The following MUSK variants were observed in gnomAD, a reference collection of about 807,000 sequenced individuals.
The protein encoded by MUSK is muscle associated receptor tyrosine kinase, also known as muscle, skeletal receptor tyrosine-protein kinase.
MUSK carries 55 observed loss-of-function variants against 88.7 expected under a neutral mutation model. The observed-to-expected ratio is 0.62, with a 90% confidence interval of 0.50 to 0.78. MUSK has a LOEUF of 0.78. MUSK is among the 30% of genes least tolerant of loss of function. The probability of loss-of-function intolerance (pLI) is 0.00; values close to 1 mark genes in which losing one functional copy is unlikely to be tolerated. For missense variants in MUSK, 1,015 were observed against 1,074.3 expected (o/e 0.94, Z 0.77); for synonymous variants, 387 against 391.9 (o/e 0.99, Z 0.15).
chr9:110,688,286 A>G (rs1038754773), intron 3 of MUSK, among the ~76,000 whole-genome samples: 7 of 152,086 alleles, frequency 4.6e-5, no homozygotes, highest in Non-Finnish European at 1.0e-4. Flanking sequence ...TTTAACAGCC[A>G]TGAAATAGAA....
At chr9:110,744,267 C>G (rs576810183) in intron 6 of MUSK, among the ~76,000 whole-genome samples, 72 of 152,204 alleles carry the variant, frequency 4.7e-4, no homozygotes, top group Non-Finnish European at 9.0e-4. Context: ...GCACCCGGCC[C>G]TGGGCCATAT....
Position 110,686,306 on chromosome 9 carries a change from A to C in MUSK, c.207-811A>C, listed in dbSNP as rs145925718. Among the ~76,000 whole-genome samples, 385 of 152,130 alleles carry C rather than the reference A, an allele frequency of 2.5e-3. 5 individuals carry two copies. The highest frequency in any genetic ancestry group is 0.021 in the South Asian group (102 of 4,818). ...TAAGGATACTTATTATCACACAGGG[A>C]CCATTCGAATAGTCCAGAACACTCC... On this transcript the variant is annotated intron_variant, in intron 2 of 14. Coordinates refer to ENST00000374448, the MANE Select transcript of MUSK (RefSeq NM_005592.4).
At position 110,800,939 on chromosome 9, in the gene MUSK, G is replaced by A. The variant is rs754275653; in HGVS notation, c.2561G>A (p.Arg854Gln). The A allele has an allele frequency of 3.0e-5, 46 of 1,526,254 alleles. No individual in the cohort carries two copies. Among genetic ancestry groups the A allele is most frequent in the East Asian group, 2.3e-4 (10 of 44,180 alleles). The allele number at this position is 1,526,254 out of a possible 1,614,324, so 94.5% of individuals were successfully genotyped here. Residue 854 changes from arginine to glutamine, a missense_variant, in exon 15 of 15, where the codon CGA (arginine) becomes CAA (glutamine). Coordinates refer to ENST00000374448, the MANE Select transcript of MUSK (RefSeq NM_005592.4). ...AGACCCAGTTTCACCAGTATTCACC[G>A]AATTCTGGAACGCATGTGTGAGAGG... Reference protein sequence around the residue: ...ADRPSFTSIHRILERMCERAE... With the variant: ...ADRPSFTSIHQILERMCERAE...
At chr9:110,755,105 A>T (rs1442126386) in intron 7 of MUSK, among the ~76,000 whole-genome samples, 1 of 152,220 alleles carries the variant, frequency 6.6e-6, no homozygotes, top group Non-Finnish European at 1.5e-5. Context: ...CCAGCAAATT[A>T]TCTCGCAGTT....
chr9:110,755,862 TTC>T (rs925740522), intron 7 of MUSK, among the ~76,000 whole-genome samples: 6 of 149,832 alleles, frequency 4.0e-5, no homozygotes, highest in African/African-American at 1.2e-4. Flanking sequence ...TTGTTATTGC[TTC>T]TCTGACTAAT....
intron 11 of MUSK, among the ~76,000 whole-genome samples, chr9:110,777,705 G>A (rs943811636): frequency 6.6e-6 from 1 of 152,020 alleles, no homozygotes; most frequent in Admixed American, 6.6e-5. Context: ...TTGCTGTGTG[G>A]AAGGACCAGA....
chr9:110,692,195 T>C (rs1180971986), intron 3 of MUSK, among the ~76,000 whole-genome samples: 2 of 152,162 alleles, frequency 1.3e-5, no homozygotes, highest in Non-Finnish European at 2.9e-5. Flanking sequence ...GATCTCACTC[T>C]GTAACTCAGG....
At chr9:110,755,931 TAC>T (rs1174165627) in intron 7 of MUSK, among the ~76,000 whole-genome samples, 2 of 95,556 alleles carry the variant, frequency 2.1e-5, no homozygotes, top group Non-Finnish European at 4.2e-5. Context: ...CATATATATA[TAC>T]ATATATATAT....
chr9:110,763,309 A>G lies in MUSK; in HGVS notation c.920+1101A>G, dbSNP rs527392429. Among the ~76,000 whole-genome samples the G allele has an allele frequency of 7.3e-4, 111 of 152,352 alleles. 1 individual carries two copies. The highest frequency in any genetic ancestry group is 2.5e-3 in the African/African-American group (102 of 41,590). ...ATCAAAAATTCTCAGTTCAAAAAAA[A>G]GAAAAAATTCTGAGTCCATTTTTTA... On this transcript the variant is annotated intron_variant, in intron 8 of 14. Transcript: ENST00000374448.
chr9:110,756,538 A>AT (rs35094206), intron 7 of MUSK, among the ~76,000 whole-genome samples: 40,586 of 147,012 alleles, frequency 0.28, 6,312 homozygotes, highest in Non-Finnish European at 0.35. Context: ...CAGTAATATT[A>AT]TTAAAAAAAA....
intron 6 of MUSK, among the ~76,000 whole-genome samples, chr9:110,735,927 A>G (rs2077025365): frequency 6.6e-6 from 1 of 152,068 alleles, no homozygotes; most frequent in Non-Finnish European, 1.5e-5. Flanking sequence ...GATGGTGTTA[A>G]CCCATTCATG....
intron 7 of MUSK, among the ~76,000 whole-genome samples, chr9:110,754,736 C>G (rs2077290993): frequency 6.6e-6 from 1 of 152,220 alleles, no homozygotes; most frequent in South Asian, 2.1e-4. Context: ...GAAGAATTTT[C>G]CAGTGTTCCA....
chr9:110,674,188 G>A lies in MUSK; in HGVS notation c.79+5205G>A, dbSNP rs201420814. Among the ~76,000 whole-genome samples the A allele has an allele frequency of 1.4e-3, 209 of 152,184 alleles. 2 individuals are homozygous for A. Among genetic ancestry groups the A allele is most frequent in the East Asian group, 0.012 (60 of 5,170 alleles). On this transcript the variant is annotated intron_variant, in intron 1 of 14. Transcript: ENST00000374448. ...CAGTCTCAAGCTACTATCAAATAAT[G>A]AGCACTGAGTTGGGAAATAGCATGT...
At chr9:110,797,382 C>G (rs1033369068) in intron 14 of MUSK, among the ~76,000 whole-genome samples, 1 of 151,718 alleles carries the variant, frequency 6.6e-6, no homozygotes, top group Non-Finnish European at 1.5e-5. Context: ...AAGTGATGAA[C>G]AACAGGTAGA....
chr9:110,747,921 G>A, intron 7 of MUSK, 121 bp downstream of exon 7: 1 of 1,331,354 alleles, frequency 7.5e-7, no homozygotes, highest in South Asian at 1.2e-5. Flanking sequence ...TTGCATTTGG[G>A]CTATTTCCTC....
intron 5 of MUSK, among the ~76,000 whole-genome samples, chr9:110,716,490 T>C (rs1385747485): frequency 3.3e-5 from 5 of 150,196 alleles, no homozygotes; most frequent in Admixed American, 6.6e-5. Flanking sequence ...TTTTGAGAAA[T>C]ACTCTGTAGC....
chr9:110,797,656 C>T (rs544794090), intron 14 of MUSK, among the ~76,000 whole-genome samples: 20 of 152,226 alleles, frequency 1.3e-4, no homozygotes, highest in African/African-American at 4.8e-4. Context: ...AAGTACATAA[C>T]AATTCATCTT....
chr9:110,726,654 C>T (rs560862008), intron 5 of MUSK, among the ~76,000 whole-genome samples: 15 of 152,174 alleles, frequency 9.9e-5, no homozygotes, highest in South Asian at 6.2e-4. Context: ...AATAAAGACA[C>T]TTAATATCCC....
Position 110,701,652 on chromosome 9 carries a change from ATTTAT to A in MUSK, c.628+4194_628+4198del, listed in dbSNP as rs1300492658. The stretch of plus-strand genomic sequence containing the variant: ...CAGGTGTGCACTACTGTGCTCAGCT[ATTTAT>A]TTTATTTATTTTATTTTATTTTTTT... On this transcript the variant is annotated intron_variant, in intron 5 of 14. Transcript: ENST00000374448. 1.9e-4 allele frequency among the ~76,000 whole-genome samples: 2 copies of A among 10,802 alleles called. 1 individual carries two copies. The highest frequency in any genetic ancestry group is 4.5e-4 in the Non-Finnish European group (2 of 4,444). The allele number at this position is 10,802 out of a possible 152,430, so 7.1% of individuals were successfully genotyped here.
Sources: allele counts gnomAD v4.1 joint callset (sites outside exome capture counted in the v4.1 genomes callset), GRCh38; gene constraint gnomAD v4.1.1; transcripts MANE v1.5; gene names NCBI Gene and HGNC (gene_info 2026-07-23, HGNC 2026-07-21).